MAP3K5: variants seen among roughly 807,000 people sequenced by gnomAD.
MAP3K5 encodes the protein mitogen-activated protein kinase kinase kinase 5, also known as ASK-1.
MAP3K5 carries 56 observed loss-of-function variants against 158.7 expected under a neutral mutation model. The observed-to-expected ratio is 0.35, with a 90% CI of 0.28 to 0.44. MAP3K5 has a LOEUF of 0.44. MAP3K5 is among the 20% of genes least tolerant of loss of function. MAP3K5 has a pLI of 1.00. For synonymous variants in MAP3K5, 579 were observed against 601.7 expected (o/e 0.96, Z 0.55); for missense variants, 1,294 against 1,674.8 (o/e 0.77, Z 3.97).
intron 23 of MAP3K5, among the ~76,000 whole-genome samples, chr6:136,587,493 G>A (rs772601814): frequency 2.0e-5 from 3 of 152,086 alleles, no homozygotes; most frequent in South Asian, 2.1e-4. Flanking sequence ...AAGTTAAATC[G>A]GTTGCCCAAA....
chr6:136,557,914 G>A, intron 29 of MAP3K5, 96 bp from the exon 30 acceptor site: 1 of 815,390 alleles, frequency 1.2e-6, no homozygotes, highest in Non-Finnish European at 2.2e-6. Flanking sequence ...ATCTGCTCTG[G>A]TCAGAAGAAG....
chr6:136,625,394 T>G (rs1178453594), intron 14 of MAP3K5, among the ~76,000 whole-genome samples: 2 of 152,198 alleles, frequency 1.3e-5, no homozygotes, highest in African/African-American at 4.8e-5. Flanking sequence ...GGATAGGAAG[T>G]ATGGCCTAGT....
At chr6:136,774,898 G>A (rs908425638) in intron 1 of MAP3K5, among the ~76,000 whole-genome samples, 1 of 152,108 alleles carries the variant, frequency 6.6e-6, no homozygotes, top group East Asian at 1.9e-4. Flanking sequence ...CTAACAAAAG[G>A]TTTTTCATTA....
intron 1 of MAP3K5, among the ~76,000 whole-genome samples, chr6:136,788,099 G>C (rs1045876541): frequency 6.6e-6 from 1 of 152,216 alleles, no homozygotes; most frequent in South Asian, 2.1e-4. Context: ...ATAGGGCAGA[G>C]TTGAGAAGTT....
intron 2 of MAP3K5, among the ~76,000 whole-genome samples, chr6:136,718,390 C>A (rs1781612969): frequency 6.6e-6 from 1 of 152,078 alleles, no homozygotes; most frequent in South Asian, 2.1e-4. Context: ...TTAGTAGAGA[C>A]AAGGTTTCAC....
At chr6:136,741,998 A>C (rs1782728333) in intron 1 of MAP3K5, among the ~76,000 whole-genome samples, 1 of 152,206 alleles carries the variant, frequency 6.6e-6, no homozygotes, top group South Asian at 2.1e-4. Flanking sequence ...ACCAAAAAAG[A>C]ACTAAATAAA....
intron 1 of MAP3K5, among the ~76,000 whole-genome samples, chr6:136,723,674 C>T (rs1781838181): frequency 6.6e-6 from 1 of 152,150 alleles, no homozygotes; most frequent in South Asian, 2.1e-4. Context: ...ACTGCAGATG[C>T]TTGAGAAGCT....
chr6:136,705,643 C>T (rs1022427774), intron 2 of MAP3K5, among the ~76,000 whole-genome samples: 5 of 152,086 alleles, frequency 3.3e-5, no homozygotes, highest in Non-Finnish European at 5.9e-5. Context: ...CAGGAGAATA[C>T]GAAAGTATTG....
At chr6:136,565,669 G>A (rs536336540) in intron 26 of MAP3K5, among the ~76,000 whole-genome samples, 45 of 152,272 alleles carry the variant, frequency 3.0e-4, no homozygotes, top group African/African-American at 1.1e-3. Flanking sequence ...TCATTTTGCG[G>A]TAGGTATGCC....
At chr6:136,731,823 GTTTTC>G (rs1782238345) in intron 1 of MAP3K5, among the ~76,000 whole-genome samples, 2 of 152,198 alleles carry the variant, frequency 1.3e-5, no homozygotes, top group Non-Finnish European at 2.9e-5. Flanking sequence ...GGTGATAAAC[GTTTTC>G]CAAGGTCCAT....
intron 21 of MAP3K5, among the ~76,000 whole-genome samples, chr6:136,598,741 A>T (rs1433732978): frequency 6.6e-6 from 1 of 152,198 alleles, no homozygotes; most frequent in Non-Finnish European, 1.5e-5. Context: ...ACAGAAACAC[A>T]TATATGGCCT....
At chr6:136,682,774 C>T (rs1182908104) in intron 7 of MAP3K5, among the ~76,000 whole-genome samples, 2 of 152,048 alleles carry the variant, frequency 1.3e-5, no homozygotes, top group Admixed American at 1.3e-4. Flanking sequence ...ATGAGAACAC[C>T]GTTTTCTCCA....
chr6:136,741,981 A>G (rs2114879626), intron 1 of MAP3K5, among the ~76,000 whole-genome samples: 1 of 152,364 alleles, frequency 6.6e-6, no homozygotes, highest in Admixed American at 6.5e-5. Flanking sequence ...AAACCCTAAT[A>G]AAAGAAACCA....
chr6:136,667,427 G>A (rs1779274925), intron 8 of MAP3K5, among the ~76,000 whole-genome samples: 1 of 151,922 alleles, frequency 6.6e-6, no homozygotes, highest in African/African-American at 2.4e-5. Context: ...CCAATCAAAA[G>A]AATTATTTCA....
At chr6:136,573,069 A>G (rs374360254) in intron 25 of MAP3K5, among the ~76,000 whole-genome samples, 42 of 152,228 alleles carry the variant, frequency 2.8e-4, no homozygotes, top group African/African-American at 9.4e-4. Flanking sequence ...GATAGCTGGT[A>G]AAACATTATT....
chr6:136,646,112 T>C (rs1408043454), intron 11 of MAP3K5, among the ~76,000 whole-genome samples: 1 of 152,152 alleles, frequency 6.6e-6, no homozygotes, highest in African/African-American at 2.4e-5. Context: ...ACACTATGGA[T>C]AGAATCAGGG....
At chr6:136,759,175 A>T (rs1283178142) in intron 1 of MAP3K5, among the ~76,000 whole-genome samples, 1 of 152,164 alleles carries the variant, frequency 6.6e-6, no homozygotes, top group African/African-American at 2.4e-5. Context: ...TCTAAAAAAA[A>T]TAAAATAAAA....
chr6:136,617,310 A>C (rs1364151735), intron 15 of MAP3K5, among the ~76,000 whole-genome samples: 2 of 152,252 alleles, frequency 1.3e-5, no homozygotes, highest in Non-Finnish European at 2.9e-5. Flanking sequence ...ATTCTTATCT[A>C]TGAGAATTAT....
chr6:136,711,262 G>T (rs1583459945), intron 2 of MAP3K5, among the ~76,000 whole-genome samples: 1 of 152,094 alleles, frequency 6.6e-6, no homozygotes, highest in African/African-American at 2.4e-5. Flanking sequence ...ACTGAGAGAG[G>T]AAAGTACCAG....
Sources: allele counts gnomAD v4.1 joint callset (sites outside exome capture counted in the v4.1 genomes callset), GRCh38; gene constraint gnomAD v4.1.1; transcripts MANE v1.5; gene names NCBI Gene and HGNC (gene_info 2026-07-23, HGNC 2026-07-21).